DOK6: variants seen among roughly 807,000 people sequenced by gnomAD.
DOK6 encodes the protein downstream of tyrosine kinase 6.
In DOK6, 22 loss-of-function variants were observed where a neutral mutation model predicts 44.0. That is an observed-to-expected ratio of 0.50 (90% CI 0.36 to 0.71). The LOEUF (loss-of-function observed/expected upper bound fraction) is 0.71. Among genes scored for constraint, DOK6 ranks in the 30% least tolerant of loss-of-function variants. The pLI, the probability that DOK6 is intolerant of heterozygous loss-of-function variation, is 0.00. For synonymous variants in DOK6, 166 were observed against 145.5 expected (o/e 1.14, Z -1.01); for missense variants, 340 against 416.4 (o/e 0.82, Z 1.60).
intron 1 of DOK6, among the ~76,000 whole-genome samples, chr18:69,457,114 T>C (rs954290286): frequency 6.6e-6 from 1 of 152,224 alleles, no homozygotes; most frequent in Non-Finnish European, 1.5e-5. Context: ...TTTACTATGT[T>C]GATAGTTTCT....
chr18:69,537,668 A>G (rs1982159610), intron 1 of DOK6, among the ~76,000 whole-genome samples: 1 of 152,200 alleles, frequency 6.6e-6, no homozygotes, highest in African/African-American at 2.4e-5. Context: ...ACAAATATGC[A>G]AACTTCTACT....
At chr18:69,722,787 T>G (rs897683252) in intron 5 of DOK6, among the ~76,000 whole-genome samples, 5 of 152,216 alleles carry the variant, frequency 3.3e-5, no homozygotes, top group Admixed American at 3.3e-4. Context: ...TATTAACAAA[T>G]AATCAGCACC....
intron 1 of DOK6, among the ~76,000 whole-genome samples, chr18:69,455,156 C>CAAAAAAAAAAAAAAAAAAAAAAAAAAAA (rs58451274): frequency 8.5e-6 from 1 of 117,446 alleles, no homozygotes; most frequent in African/African-American, 3.2e-5. Flanking sequence ...ATAGCTATAG[C>CAAAAAAAAAAAAAAAAAAAAAAAAAAAA]AAAAAAAAAA....
At chr18:69,715,983 C>A (rs1381431729) in intron 5 of DOK6, among the ~76,000 whole-genome samples, 1 of 152,172 alleles carries the variant, frequency 6.6e-6, no homozygotes, top group Non-Finnish European at 1.5e-5. Flanking sequence ...GAAAACAAAA[C>A]CATTCGTTAT....
At chr18:69,707,884 T>A (rs1339710916) in intron 5 of DOK6, among the ~76,000 whole-genome samples, 1 of 152,160 alleles carries the variant, frequency 6.6e-6, no homozygotes, top group African/African-American at 2.4e-5. Context: ...CTGAAGAAGA[T>A]GATTTGCACG....
chr18:69,522,224 C>A (rs567542625), intron 1 of DOK6, among the ~76,000 whole-genome samples: 26 of 151,216 alleles, frequency 1.7e-4, no homozygotes, highest in African/African-American at 3.6e-4. Context: ...ACACACACAC[C>A]CACACACATA....
At chr18:69,744,983 ATC>A (rs1475164448) in intron 6 of DOK6, among the ~76,000 whole-genome samples, 1 of 151,180 alleles carries the variant, frequency 6.6e-6, no homozygotes, top group Admixed American at 6.6e-5. Flanking sequence ...AGAAACATGT[ATC>A]TCTGCGTAAG....
At chr18:69,480,024 A>G (rs1980374901) in intron 1 of DOK6, among the ~76,000 whole-genome samples, 1 of 152,168 alleles carries the variant, frequency 6.6e-6, no homozygotes, top group African/African-American at 2.4e-5. Flanking sequence ...TCCAGCTTCT[A>G]AACTAATGAG....
At chr18:69,524,670 A>G (rs1401565676) in intron 1 of DOK6, among the ~76,000 whole-genome samples, 1 of 152,022 alleles carries the variant, frequency 6.6e-6, no homozygotes, top group Non-Finnish European at 1.5e-5. Flanking sequence ...TGTTCATTTG[A>G]AATAGAAATG....
At position 69,843,784 on chromosome 18, in the gene DOK6, TC is replaced by T. The variant is rs1322571427; in HGVS notation, c.*2403del. 6.6e-6 allele frequency: 1 copy of T among 152,330 alleles called. No homozygotes were observed. Among genetic ancestry groups the T allele is most frequent in the East Asian group, 1.9e-4 (1 of 5,182 alleles). The allele number at this position is 152,330 out of a possible 1,614,324, so 9.4% of individuals were successfully genotyped here. ...AAAAAGAGTATGTGTGAGAGAAATC[TC>T]CTTCCCAAGTTTTTAACCAGATCTC... On this transcript the variant is annotated 3_prime_UTR_variant, in exon 8 of 8. Coordinates refer to ENST00000382713, the MANE Select transcript of DOK6 (RefSeq NM_152721.6).
chr18:69,750,120 G>A (rs779560313), intron 6 of DOK6, among the ~76,000 whole-genome samples: 15 of 149,656 alleles, frequency 1.0e-4, no homozygotes, highest in Non-Finnish European at 1.9e-4. Flanking sequence ...ATTTCTACTA[G>A]AACAAGTGCA....
At chr18:69,796,587 C>CA (rs984808281) in intron 7 of DOK6, among the ~76,000 whole-genome samples, 5 of 151,926 alleles carry the variant, frequency 3.3e-5, no homozygotes, top group African/African-American at 1.2e-4. Context: ...ACATCAATTT[C>CA]AAAAAAAGAC....
chr18:69,657,214 G>T (rs945491986), intron 3 of DOK6, among the ~76,000 whole-genome samples: 4 of 152,176 alleles, frequency 2.6e-5, no homozygotes, highest in African/African-American at 9.7e-5. Context: ...GCGATGTGTT[G>T]GGTTGGATTA....
Position 69,577,760 on chromosome 18 carries a change from G to T in DOK6, c.174+13166G>T, listed in dbSNP as rs142792832. ...AGGCACTAGGTGTTAAGACTTTCAG[G>T]TGGAGGGTATCTGTAACATTGTGAT... On this transcript the variant is annotated intron_variant, in intron 2 of 7. Coordinates refer to ENST00000382713, the MANE Select transcript of DOK6 (RefSeq NM_152721.6). Among the ~76,000 whole-genome samples the T allele has an allele frequency of 9.2e-5, 14 of 152,292 alleles. No homozygotes were observed. In the East Asian group the frequency reaches 2.3e-3, roughly 25 times the overall value.
chr18:69,429,620 CATATATATATAT>C (rs143819043), intron 1 of DOK6, among the ~76,000 whole-genome samples: 3,641 of 105,708 alleles, frequency 0.034, 78 homozygotes, highest in East Asian at 0.059. Flanking sequence ...TTGAGGGATA[CATATATATATAT>C]ATATATATAT....
At chr18:69,495,219 G>T (rs551943860) in intron 1 of DOK6, among the ~76,000 whole-genome samples, 1 of 152,238 alleles carries the variant, frequency 6.6e-6, no homozygotes, top group Non-Finnish European at 1.5e-5. Context: ...GGGAGTCACA[G>T]TCTTGGCTTG....
At chr18:69,815,753 G>A (rs566910213) in intron 7 of DOK6, among the ~76,000 whole-genome samples, 34 of 151,984 alleles carry the variant, frequency 2.2e-4, no homozygotes, top group Non-Finnish European at 2.1e-4. Flanking sequence ...TAGACAGACC[G>A]ATGGGTAGAT....
intron 3 of DOK6, among the ~76,000 whole-genome samples, chr18:69,674,867 C>T (rs1444889271): frequency 6.6e-6 from 1 of 152,142 alleles, no homozygotes; most frequent in Non-Finnish European, 1.5e-5. Context: ...TTCATATAAC[C>T]TCCTAGCACA....
chr18:69,457,473 A>G (rs1235023865), intron 1 of DOK6, among the ~76,000 whole-genome samples: 2 of 151,966 alleles, frequency 1.3e-5, no homozygotes, highest in Non-Finnish European at 1.5e-5. Flanking sequence ...TGAGTTTTCT[A>G]TTATGTTCCA....
Sources: allele counts gnomAD v4.1 joint callset (sites outside exome capture counted in the v4.1 genomes callset), GRCh38; gene constraint gnomAD v4.1.1; transcripts MANE v1.5; gene names NCBI Gene and HGNC (gene_info 2026-07-23, HGNC 2026-07-21).